The following ROBO2 variants were observed in gnomAD, a reference collection of about 807,000 sequenced individuals.
ROBO2 encodes roundabout guidance receptor 2, also known as roundabout homolog 2.
In ROBO2, 53 loss-of-function variants were observed where a neutral mutation model predicts 160.8. That is an observed-to-expected ratio of 0.33 (90% CI 0.26 to 0.41). The LOEUF (loss-of-function observed/expected upper bound fraction) is 0.41, where lower values mean the gene tolerates loss of function less well. Among genes scored for constraint, ROBO2 ranks in the 10% least tolerant of loss-of-function variants. The pLI, the probability that ROBO2 is intolerant of heterozygous loss-of-function variation, is 1.00. For synonymous variants in ROBO2, 664 were observed against 611.7 expected (o/e 1.09, Z -1.26); for missense variants, 1,577 against 1,722.4 (o/e 0.92, Z 1.49).
chr3:76,842,279 C>T (rs1249840452), intron 2 of ROBO2, among the ~76,000 whole-genome samples: 1 of 152,200 alleles, frequency 6.6e-6, no homozygotes, highest in East Asian at 1.9e-4. Flanking sequence ...TTCATGACTG[C>T]AGTCAGGGTA....
intron 2 of ROBO2, among the ~76,000 whole-genome samples, chr3:76,232,047 T>TCATA (rs1201054977): frequency 6.6e-6 from 1 of 152,210 alleles, no homozygotes. Context: ...AAATGTTTCA[T>TCATA]CATACATTGA....
At chr3:76,459,844 A>G (rs2077986492) in intron 2 of ROBO2, among the ~76,000 whole-genome samples, 1 of 152,152 alleles carries the variant, frequency 6.6e-6, no homozygotes, top group South Asian at 2.1e-4. Context: ...TTTCTATAAA[A>G]GGATCACTTA....
At chr3:77,219,513 A>G (rs201966705) in intron 2 of ROBO2, among the ~76,000 whole-genome samples, 1 of 138,038 alleles carries the variant, frequency 7.2e-6, no homozygotes, top group African/African-American at 2.7e-5. Context: ...ATATATATAT[A>G]TCTGTGTGTG....
intron 2 of ROBO2, among the ~76,000 whole-genome samples, chr3:76,824,390 C>T (rs915695159): frequency 6.6e-6 from 1 of 152,148 alleles, no homozygotes. Context: ...GGCCACAGTG[C>T]CTGGCCTCAA....
intron 2 of ROBO2, among the ~76,000 whole-genome samples, chr3:76,325,142 A>G (rs557717933): frequency 2.0e-5 from 3 of 152,358 alleles, no homozygotes; most frequent in African/African-American, 4.8e-5. Context: ...TCAGACTCAA[A>G]TAAAAGCCTA....
chr3:76,452,215 T>A (rs2077510010), intron 2 of ROBO2, among the ~76,000 whole-genome samples: 1 of 152,268 alleles, frequency 6.6e-6, no homozygotes, highest in East Asian at 1.9e-4. Flanking sequence ...TTAGGGTACA[T>A]GTGCACAATG....
At chr3:77,467,440 C>T (rs892200549) in intron 2 of ROBO2, among the ~76,000 whole-genome samples, 19 of 152,116 alleles carry the variant, frequency 1.2e-4, no homozygotes, top group Admixed American at 1.0e-3. Context: ...TACCTAGCAG[C>T]CTAACTACTT....
At chr3:76,206,027 AG>A (rs1466608348) in intron 2 of ROBO2, among the ~76,000 whole-genome samples, 3 of 152,128 alleles carry the variant, frequency 2.0e-5, no homozygotes, top group African/African-American at 7.2e-5. Context: ...AAAGAGAGAG[AG>A]GTGGCTGTCC....
intron 2 of ROBO2, among the ~76,000 whole-genome samples, chr3:76,596,523 T>C (rs2086745029): frequency 6.6e-6 from 1 of 152,070 alleles, no homozygotes; most frequent in African/African-American, 2.4e-5. Context: ...AATCTTGAAC[T>C]CTCTGAGCCC....
intron 2 of ROBO2, among the ~76,000 whole-genome samples, chr3:76,997,432 T>C (rs578118657): frequency 6.4e-4 from 97 of 152,320 alleles, no homozygotes; most frequent in African/African-American, 2.2e-3. Context: ...AATGTTCTTT[T>C]ACATTTTTAT....
chr3:77,605,954 C>T (rs2094519126), intron 20 of ROBO2, among the ~76,000 whole-genome samples: 1 of 152,104 alleles, frequency 6.6e-6, no homozygotes, highest in African/African-American at 2.4e-5. Flanking sequence ...TCAGTCTGTT[C>T]CCCTTTTAAT....
At chr3:77,040,606 G>A (rs2063986575) in exon 1 of ROBO2, 4 of 1,460,252 alleles carry the variant, frequency 2.7e-6, no homozygotes, top group Non-Finnish European at 2.7e-6. Context: ...ATCTCAGTGT[G>A]CCCCGTTCGA....
chr3:75,983,107 A>C (rs1257952530), intron 2 of ROBO2, among the ~76,000 whole-genome samples: 1 of 151,458 alleles, frequency 6.6e-6, no homozygotes, highest in Non-Finnish European at 1.5e-5. Context: ...TCCCAATTTT[A>C]ATTTAACAAG....
intron 2 of ROBO2, among the ~76,000 whole-genome samples, chr3:76,174,376 C>T (rs142465011): frequency 2.7e-4 from 41 of 152,244 alleles, no homozygotes; most frequent in African/African-American, 9.9e-4. Context: ...AATTAGATCC[C>T]ATTTGTCAAT....
At chr3:75,957,912 T>C (rs939077661) in intron 2 of ROBO2, among the ~76,000 whole-genome samples, 5 of 151,736 alleles carry the variant, frequency 3.3e-5, no homozygotes, top group Non-Finnish European at 5.9e-5. Context: ...CTTAACTTTT[T>C]AATCTCTCTC....
intron 2 of ROBO2, among the ~76,000 whole-genome samples, chr3:76,427,516 A>T (rs1440184356): frequency 6.6e-6 from 1 of 152,116 alleles, no homozygotes; most frequent in African/African-American, 2.4e-5. Context: ...AAAAAATGTA[A>T]CTTAATTCAT....
intron 2 of ROBO2, among the ~76,000 whole-genome samples, chr3:77,145,655 C>T (rs1015146616): frequency 3.3e-5 from 5 of 151,870 alleles, no homozygotes; most frequent in African/African-American, 1.2e-4. Flanking sequence ...TTTTTTTTGC[C>T]TCCATCACAC....
At chr3:77,036,725 A>G (rs2063657454), upstream of ROBO2, among the ~76,000 whole-genome samples, 1 of 152,098 alleles carries the variant, frequency 6.6e-6, no homozygotes, top group South Asian at 2.1e-4. Flanking sequence ...GAAAAGAAAA[A>G]AACAATTTAT....
intron 2 of ROBO2, among the ~76,000 whole-genome samples, chr3:77,104,487 A>G (rs2072509886): frequency 4.6e-5 from 7 of 152,080 alleles, no homozygotes. Flanking sequence ...AGACATTTGC[A>G]TTACTCCCAC....
Sources: gnomAD v4.1 joint callset for allele counts (sites outside exome capture counted in the v4.1 genomes callset) on GRCh38, gnomAD v4.1.1 for gene constraint, MANE v1.5 for transcripts, NCBI Gene and HGNC (gene_info 2026-07-23, HGNC 2026-07-21) for gene names.